MAGI2: variants seen among roughly 807,000 people sequenced by gnomAD.
The protein encoded by MAGI2 is membrane-associated guanylate kinase, WW and PDZ domain-containing protein 2.
A neutral mutation model predicts 133.3 loss-of-function variants in MAGI2; 35 were observed. That is an observed-to-expected ratio of 0.26 (90% CI 0.20 to 0.35). The LOEUF is 0.35. Ranked by LOEUF, MAGI2 falls within the 10% of genes least tolerant of loss-of-function variation. The probability of loss-of-function intolerance (pLI) is 1.00; values close to 1 mark genes in which losing one functional copy is unlikely to be tolerated. For synonymous variants in MAGI2, 729 were observed against 710.6 expected, an observed-to-expected ratio of 1.03 and a Z score of -0.41; for missense variants, 1,636 against 1,863.4, an observed-to-expected ratio of 0.88 and a Z score of 2.25.
chr7:78,589,283 T>C (rs546999429), intron 3 of MAGI2, among the ~76,000 whole-genome samples: 1 of 152,300 alleles, frequency 6.6e-6, no homozygotes, highest in South Asian at 2.1e-4. Flanking sequence ...GAATTTTACA[T>C]AAATTAACTC....
chr7:78,533,866 C>A (rs57556892), intron 3 of MAGI2, among the ~76,000 whole-genome samples: 5,602 of 152,026 alleles, frequency 0.037, 337 homozygotes, highest in African/African-American at 0.13. Context: ...AGGAGTCAAC[C>A]CAAGGATCCA....
intron 1 of MAGI2, among the ~76,000 whole-genome samples, chr7:79,190,695 G>C (rs1290689299): frequency 1.3e-5 from 2 of 151,680 alleles, no homozygotes; most frequent in African/African-American, 2.4e-5. Context: ...CCATCTTAAA[G>C]TTTCTAATTT....
chr7:78,813,582 G>A (rs1231432608), intron 2 of MAGI2, among the ~76,000 whole-genome samples: 8 of 152,030 alleles, frequency 5.3e-5, no homozygotes, highest in Non-Finnish European at 8.8e-5. Flanking sequence ...TCAGGAGATC[G>A]AGACCATCCT....
At chr7:78,541,099 A>G (rs916252377) in intron 3 of MAGI2, among the ~76,000 whole-genome samples, 1 of 152,236 alleles carries the variant, frequency 6.6e-6, no homozygotes, top group Non-Finnish European at 1.5e-5. Flanking sequence ...GCTGCAAGTC[A>G]GTCCTGACTC....
At chr7:79,197,966 G>T (rs77497957) in intron 1 of MAGI2, among the ~76,000 whole-genome samples, 1 of 151,912 alleles carries the variant, frequency 6.6e-6, no homozygotes, top group East Asian at 1.9e-4. Context: ...TAGCAAGAGG[G>T]CTGGGGGTGG....
At chr7:78,265,609 T>C (rs894492835) in intron 9 of MAGI2, among the ~76,000 whole-genome samples, 1 of 152,212 alleles carries the variant, frequency 6.6e-6, no homozygotes, top group Non-Finnish European at 1.5e-5. Flanking sequence ...AAATGTAGCA[T>C]TCCCCTGTAC....
chr7:78,533,027 T>C (rs979934197), intron 3 of MAGI2, among the ~76,000 whole-genome samples: 3 of 152,176 alleles, frequency 2.0e-5, no homozygotes, highest in African/African-American at 7.2e-5. Context: ...CTGCAAGCTC[T>C]GCCTCCCGGG....
chr7:79,246,974 T>C (rs1478382790), intron 1 of MAGI2, among the ~76,000 whole-genome samples: 1 of 152,166 alleles, frequency 6.6e-6, no homozygotes, highest in Non-Finnish European at 1.5e-5. Context: ...GTGGAAACCT[T>C]ATAAGCCAGA....
intron 18 of MAGI2, among the ~76,000 whole-genome samples, chr7:78,132,602 C>G (rs1168992294): frequency 6.6e-6 from 1 of 152,230 alleles, no homozygotes; most frequent in Admixed American, 6.5e-5. Flanking sequence ...GTTCTTCACT[C>G]TGGACTCTCT....
chr7:79,108,153 C>G (rs1818599786), intron 1 of MAGI2, among the ~76,000 whole-genome samples: 1 of 152,178 alleles, frequency 6.6e-6, no homozygotes, highest in Non-Finnish European at 1.5e-5. Context: ...GTGATTCTAC[C>G]ACAGACCAGG....
chr7:78,875,081 A>T (rs1352834814), intron 2 of MAGI2, among the ~76,000 whole-genome samples: 1 of 152,212 alleles, frequency 6.6e-6, no homozygotes, highest in East Asian at 1.9e-4. Context: ...AAAGCTGCAG[A>T]AAAGAGGAAA....
intron 14 of MAGI2, among the ~76,000 whole-genome samples, chr7:78,176,950 C>CACACACACACACACAT (rs988630917): frequency 1.7e-3 from 251 of 147,274 alleles, no homozygotes; most frequent in African/African-American, 5.9e-3. Context: ...CACACACACA[C>CACACACACACACACAT]ATATATAGTA....
At chr7:78,783,487 G>A (rs1466889357) in intron 2 of MAGI2, among the ~76,000 whole-genome samples, 1 of 152,142 alleles carries the variant, frequency 6.6e-6, no homozygotes, top group African/African-American at 2.4e-5. Context: ...AATTATAGAT[G>A]TCTCTTGATA....
At chr7:78,624,727 G>T (rs1464145635) in intron 3 of MAGI2, among the ~76,000 whole-genome samples, 3 of 151,914 alleles carry the variant, frequency 2.0e-5, no homozygotes, top group Non-Finnish European at 4.4e-5. Flanking sequence ...GGGATGATCT[G>T]TGCAGCAAAC....
At chr7:79,039,706 G>A (rs960299602) in intron 1 of MAGI2, among the ~76,000 whole-genome samples, 8 of 151,478 alleles carry the variant, frequency 5.3e-5, no homozygotes, top group Non-Finnish European at 1.2e-4. Flanking sequence ...AAGAGGTTGG[G>A]TGCAGTGGCT....
intron 1 of MAGI2, among the ~76,000 whole-genome samples, chr7:79,321,115 G>A (rs1236086363): frequency 6.6e-6 from 1 of 151,972 alleles, no homozygotes; most frequent in Non-Finnish European, 1.5e-5. Flanking sequence ...TTTTACATTT[G>A]CATTACTAAA....
intron 1 of MAGI2, among the ~76,000 whole-genome samples, chr7:79,067,891 A>T (rs1272389169): frequency 1.3e-5 from 2 of 152,182 alleles, no homozygotes; most frequent in East Asian, 3.9e-4. Context: ...GGTTCTGTTT[A>T]TGAGATGGAT....
At chr7:78,879,606 T>C (rs1212883001) in intron 2 of MAGI2, among the ~76,000 whole-genome samples, 2 of 151,934 alleles carry the variant, frequency 1.3e-5, no homozygotes. Context: ...TGAAAATAAT[T>C]ACAAAATTAG....
At chr7:79,361,670 A>T (rs1842386739) in intron 1 of MAGI2, among the ~76,000 whole-genome samples, 1 of 152,208 alleles carries the variant, frequency 6.6e-6, no homozygotes, top group Admixed American at 6.5e-5. Context: ...CACTCACAAG[A>T]GAGATCATGC....
Sources: gnomAD v4.1 joint callset for allele counts (sites outside exome capture counted in the v4.1 genomes callset) on GRCh38, gnomAD v4.1.1 for gene constraint, MANE v1.5 for transcripts, NCBI Gene and HGNC (gene_info 2026-07-23, HGNC 2026-07-21) for gene names.